Variants in CFAP221 observed in about 807,000 individuals in gnomAD.
The protein encoded by CFAP221 is cilia and flagella associated protein 221, also known as cilia- and flagella-associated protein 221.
In CFAP221, 97 loss-of-function variants were observed where a neutral mutation model predicts 113.1. The observed-to-expected ratio is 0.86, with a 90% CI of 0.73 to 1.02. CFAP221 has a LOEUF of 1.02. Among genes scored for constraint, CFAP221 ranks in the 50% least tolerant of loss-of-function variants. The probability of loss-of-function intolerance (pLI) is 0.00; values close to 1 mark genes in which losing one functional copy is unlikely to be tolerated. For missense variants in CFAP221, 1,025 were observed against 1,013.4 expected (o/e 1.01, Z -0.16); for synonymous variants, 331 against 354.4 (o/e 0.93, Z 0.74).
intron 17 of CFAP221, 58 bp from the exon 18 acceptor site, chr2:119,630,510 AGT>A: frequency 7.7e-7 from 1 of 1,290,820 alleles, no homozygotes; most frequent in Non-Finnish European, 1.1e-6. Flanking sequence ...GTTGTTGAGA[AGT>A]AGATCCCACC....
intron 22 of CFAP221, among the ~76,000 whole-genome samples, chr2:119,650,905 T>G (rs1046193449): frequency 6.6e-6 from 1 of 152,204 alleles, no homozygotes; most frequent in African/African-American, 2.4e-5. Context: ...GAGTAAAGTG[T>G]CCCTGTTTGT....
chr2:119,591,215 C>G (rs954295585), intron 7 of CFAP221, among the ~76,000 whole-genome samples: 1 of 152,130 alleles, frequency 6.6e-6, no homozygotes, highest in African/African-American at 2.4e-5. Flanking sequence ...GAGATCAAAC[C>G]TTTAAAAGAT....
intron 8 of CFAP221, among the ~76,000 whole-genome samples, chr2:119,602,301 G>A (rs1223042335): frequency 6.6e-6 from 1 of 152,118 alleles, no homozygotes; most frequent in African/African-American, 2.4e-5. Flanking sequence ...CTTGAACCTG[G>A]GAGGCAGAGG....
intron 22 of CFAP221, 43 bp from the exon 23 acceptor site, chr2:119,651,931 G>T: frequency 7.0e-7 from 1 of 1,423,340 alleles, no homozygotes. Flanking sequence ...TTTTACACTG[G>T]GAAGGAAAAG....
intron 4 of CFAP221, 59 bp from the exon 5 acceptor site, chr2:119,559,869 C>A: frequency 1.3e-6 from 2 of 1,486,812 alleles, no homozygotes; most frequent in Non-Finnish European, 1.8e-6. Context: ...TTGTCACCCC[C>A]GGTGCTGCTC....
intron 6 of CFAP221, among the ~76,000 whole-genome samples, chr2:119,571,090 T>C (rs2104569278): frequency 6.6e-6 from 1 of 151,594 alleles, no homozygotes; most frequent in African/African-American, 2.4e-5. Context: ...TACAAAAAAG[T>C]TAGCTAGGTG....
chr2:119,567,494 A>G (rs1271892587), intron 6 of CFAP221, among the ~76,000 whole-genome samples: 1 of 152,222 alleles, frequency 6.6e-6, no homozygotes, highest in Non-Finnish European at 1.5e-5. Context: ...GTATAGATGT[A>G]CTACAGTTTA....
intron 21 of CFAP221, among the ~76,000 whole-genome samples, chr2:119,644,582 T>C (rs1349092535): frequency 6.6e-6 from 1 of 152,136 alleles, no homozygotes; most frequent in East Asian, 1.9e-4. Flanking sequence ...AAGACCAAAA[T>C]CTGGGTGCTA....
At chr2:119,566,531 C>T (rs1399215900) in intron 6 of CFAP221, among the ~76,000 whole-genome samples, 1 of 152,090 alleles carries the variant, frequency 6.6e-6, no homozygotes, top group South Asian at 2.1e-4. Context: ...TCCAGCCTTG[C>T]TCCTTCTCTG....
intron 21 of CFAP221, among the ~76,000 whole-genome samples, chr2:119,641,166 C>G (rs540424041): frequency 7.9e-5 from 12 of 152,268 alleles, no homozygotes; most frequent in African/African-American, 2.9e-4. Context: ...AAGCCAAATG[C>G]AGCTGTACGT....
intron 7 of CFAP221, among the ~76,000 whole-genome samples, chr2:119,594,761 C>T (rs1683845008): frequency 6.6e-6 from 1 of 152,204 alleles, no homozygotes; most frequent in Non-Finnish European, 1.5e-5. Context: ...ATGTGCCAGA[C>T]ACTACACTGG....
In CFAP221 at chr2:119,629,890, G is replaced by T; in HGVS notation, c.1666G>T (p.Gly556Ter). Residue 556 changes from glycine to a stop codon, truncating the protein, a stop_gained, in exon 17 of 24, where the codon GGA becomes TGA. Transcript: ENST00000413369. LOFTEE classifies it high-confidence loss of function. ...DSNELAPDGLGLVPIKSSEVQ... is the reference protein window; with the variant it reads ...DSNELAPDGL ...CACATTTTAGGCTCCTGATGGCCTT[G>T]GACTGGTCCCAATTAAGTCTTCAGA... 5.0e-6 allele frequency: 8 copies of T among 1,613,240 alleles called. No homozygotes were observed. The highest frequency in any genetic ancestry group is 1.1e-5 in the South Asian group (1 of 91,004).
At chr2:119,582,769 A>G (rs892886444) in intron 6 of CFAP221, among the ~76,000 whole-genome samples, 1 of 152,178 alleles carries the variant, frequency 6.6e-6, no homozygotes, top group Non-Finnish European at 1.5e-5. Context: ...AATAAGACAT[A>G]TCTTTAAAAA....
chr2:119,546,548 G>T (rs1260614778), intron 2 of CFAP221, among the ~76,000 whole-genome samples: 2 of 152,116 alleles, frequency 1.3e-5, no homozygotes, highest in Admixed American at 1.3e-4. Flanking sequence ...TCAGCAGGCA[G>T]CTGGGACTCC....
At chr2:119,605,075 A>C (rs1684642741) in intron 10 of CFAP221, 88 bp downstream of exon 10, 1 of 1,463,788 alleles carries the variant, frequency 6.8e-7, no homozygotes, top group Admixed American at 1.7e-5. Flanking sequence ...GAACAACAAA[A>C]TTCAGTTAGA....
chr2:119,633,299 TAGAC>T (rs1305272867), intron 19 of CFAP221, among the ~76,000 whole-genome samples: 1 of 151,474 alleles, frequency 6.6e-6, no homozygotes, highest in Non-Finnish European at 1.5e-5. Context: ...GATCTTCAAT[TAGAC>T]AAAGATTTCT....
At chr2:119,562,725 A>G (rs1304019440) in intron 6 of CFAP221, among the ~76,000 whole-genome samples, 2 of 152,300 alleles carry the variant, frequency 1.3e-5, no homozygotes, top group African/African-American at 2.4e-5. Context: ...TTCTTTCAGT[A>G]TATACTAAAA....
intron 6 of CFAP221, among the ~76,000 whole-genome samples, chr2:119,570,502 A>C (rs557533726): frequency 2.6e-5 from 4 of 152,314 alleles, no homozygotes; most frequent in Non-Finnish European, 5.9e-5. Flanking sequence ...CCCCCAAAAA[A>C]ACCCATACCA....
At chr2:119,585,276 A>C (rs979383228) in intron 6 of CFAP221, among the ~76,000 whole-genome samples, 3 of 152,256 alleles carry the variant, frequency 2.0e-5, no homozygotes, top group African/African-American at 7.2e-5. Flanking sequence ...TATTACTAGA[A>C]TGCATGAGAA....
Sources: gnomAD v4.1 joint callset for allele counts (sites outside exome capture counted in the v4.1 genomes callset) on GRCh38, gnomAD v4.1.1 for gene constraint, MANE v1.5 for transcripts, NCBI Gene and HGNC (gene_info 2026-07-23, HGNC 2026-07-21) for gene names.